The following BANP variants were observed in gnomAD, a reference collection of about 807,000 sequenced individuals.
The protein encoded by BANP is protein BANP.
A neutral mutation model predicts 68.1 loss-of-function variants in BANP; 11 were observed. The ratio of observed to expected loss-of-function variants is 0.16; its 90% CI spans 0.10 to 0.27. The LOEUF (loss-of-function observed/expected upper bound fraction) is 0.27, where lower values mean the gene tolerates loss of function less well. BANP is among the 10% of genes least tolerant of loss of function. The pLI is 1.00. For missense variants in BANP, 504 were observed against 722.7 expected, an observed-to-expected ratio of 0.70 and a Z score of 3.47; for synonymous variants, 329 against 303.2, an observed-to-expected ratio of 1.09 and a Z score of -0.88.
intron 1 of BANP, among the ~76,000 whole-genome samples, chr16:87,971,585 TC>T (rs551710779): frequency 1.5e-4 from 23 of 151,982 alleles, no homozygotes; most frequent in Non-Finnish European, 2.8e-4. Flanking sequence ...AAAAAATTTT[TC>T]TTTAAATAGT....
Position 87,957,934 on chromosome 16 carries a change from G to C in BANP, c.-69+6419G>C, listed in dbSNP as rs903874661. On this transcript the variant is annotated intron_variant, in intron 1 of 13. Coordinates refer to ENST00000682872, the MANE Select transcript of BANP (RefSeq NM_001386991.1). This position sits in a 1 kb window ranked among gnomAD's most constrained non-coding sequence, Gnocchi z 4.3. ...AGCTCTTGTGTCGGTGGGAGCTGGC[G>C]GTGGGTCCCTGAGCAGAGTGCTGCC... Among the ~76,000 whole-genome samples, 3 of 151,932 alleles carry C rather than the reference G, an allele frequency of 2.0e-5. No homozygotes were observed. The highest frequency in any genetic ancestry group is 4.4e-5 in the Non-Finnish European group (3 of 67,976).
At position 88,057,932 on chromosome 16, in the gene BANP, C is replaced by T. The variant is rs889089083; in HGVS notation, c.1312-7335C>T. The stretch of plus-strand genomic sequence containing the variant: ...GCCTGTGTTCCGACAAGCCAGGCGC[C>T]GAGGCTCGGTGTGGGCCCGTGGGCC... On this transcript the variant is annotated intron_variant, in intron 11 of 13. Coordinates refer to ENST00000682872, the MANE Select transcript of BANP (RefSeq NM_001386991.1). The surrounding 1 kb of genome is among the most constrained non-coding windows in gnomAD (Gnocchi z 4.6). 7.2e-5 allele frequency among the ~76,000 whole-genome samples: 11 copies of T among 152,120 alleles called. No homozygotes were observed. Among genetic ancestry groups the T allele is most frequent in the Admixed American group, 2.6e-4 (4 of 15,276 alleles).
Position 88,030,615 on chromosome 16 carries a change from A to G in BANP, c.1064-2494A>G, listed in dbSNP as rs117004787. Among the ~76,000 whole-genome samples, 11 of 152,368 alleles carry G rather than the reference A, an allele frequency of 7.2e-5. No homozygotes were observed. In the East Asian group the frequency reaches 2.1e-3, roughly 29 times the overall value. On this transcript the variant is annotated intron_variant, in intron 8 of 13. Transcript: ENST00000682872. ...GGATACCAGAATCTTGAAAGAGTAC[A>G]TTTAATGAGCTGAAATGTCACAGCT...
At chr16:87,967,228 G>C (rs1258745445) in intron 1 of BANP, among the ~76,000 whole-genome samples, 1 of 144,368 alleles carries the variant, frequency 6.9e-6, no homozygotes, top group Non-Finnish European at 1.5e-5. Context: ...AGTTTTGTCT[G>C]TCTGTACTTT....
At chr16:87,950,035 G>C (rs75529817), upstream of BANP, among the ~76,000 whole-genome samples, 2 of 152,092 alleles carry the variant, frequency 1.3e-5, no homozygotes, top group African/African-American at 4.8e-5. Context: ...CTGCCACCGC[G>C]CCGGGCTAAT....
In BANP at chr16:88,068,007, CGTGACACGCCACGTGT is replaced by C. The variant is rs547244809; in HGVS notation, c.1377+2680_1377+2695del. On this transcript the variant is annotated intron_variant, in intron 12 of 13. Coordinates refer to ENST00000682872, the MANE Select transcript of BANP (RefSeq NM_001386991.1). ...TGTCTGCCTCCTTGTGTCGTCAGTC[CGTGACACGCCACGTGT>C]GTGATGAGGAGGTGCTTGGAGTGGC... 5.2e-3 allele frequency among the ~76,000 whole-genome samples: 786 copies of C among 152,330 alleles called. 9 individuals are homozygous for C. The highest frequency in any genetic ancestry group is 0.018 in the African/African-American group (756 of 41,576).
chr16:88,057,522 C>G lies in BANP; in HGVS notation c.1312-7745C>G, dbSNP rs1314386289. Among the ~76,000 whole-genome samples, 4 of 152,024 alleles carry G rather than the reference C, an allele frequency of 2.6e-5. No homozygotes were observed. The highest frequency in any genetic ancestry group is 2.6e-4 in the Admixed American group (4 of 15,264). ...GTCAAGAAACGAGGAGTGAAAAACACCCCTCAGGTCGCTTCATGCTGATTC... is the reference window on the plus strand; with the variant it reads ...GTCAAGAAACGAGGAGTGAAAAACAGCCCTCAGGTCGCTTCATGCTGATTC... On this transcript the variant is annotated intron_variant, in intron 11 of 13. Coordinates refer to ENST00000682872, the MANE Select transcript of BANP (RefSeq NM_001386991.1). This position sits in a 1 kb window ranked among gnomAD's most constrained non-coding sequence, Gnocchi z 4.6.
intron 8 of BANP, among the ~76,000 whole-genome samples, chr16:88,031,214 T>C (rs1384591951): frequency 2.0e-5 from 3 of 151,564 alleles, no homozygotes; most frequent in African/African-American, 7.3e-5. Context: ...TCAGGTGGAG[T>C]CAGGGTCTTT....
rs146437625 is a variant in BANP, at chr16:87,978,186, A to G, written c.71-2850A>G. On this transcript the variant is annotated intron_variant, in intron 2 of 13. Transcript: ENST00000682872. ...AAGGAGTTCTTTTGTCGAATTCTAA[A>G]AGTAATGCATACAGAATTATAGAAA... Among the ~76,000 whole-genome samples, 10 of 152,352 alleles carry G rather than the reference A, an allele frequency of 6.6e-5. No individual in the cohort carries two copies. In the East Asian group the frequency reaches 1.9e-3, roughly 29 times the overall value.
At position 88,033,096 on chromosome 16, in the gene BANP, G is replaced by A. The variant is rs538774881; in HGVS notation, c.1064-13G>A. The A allele has an allele frequency of 3.0e-5, 47 of 1,592,180 alleles. No homozygotes were observed. The African/African-American group carries it at 5.0e-4, about 17-fold the overall frequency. ...CTTCTCGTTCACCCCGTTCACACCT[G>A]TTGCCCCCACAGAGCCGATGATGAG... On this transcript the variant is annotated splice_polypyrimidine_tract_variant and intron_variant, in intron 8 of 13. Transcript: ENST00000682872.
At chr16:88,066,491 G>A (rs1198687631) in intron 12 of BANP, among the ~76,000 whole-genome samples, 1 of 152,170 alleles carries the variant, frequency 6.6e-6, no homozygotes, top group East Asian at 1.9e-4. Context: ...ACCCAGCTTC[G>A]ACTCGGTGTC....
At chr16:87,979,942 A>G (rs562464425) in intron 2 of BANP, among the ~76,000 whole-genome samples, 1 of 152,260 alleles carries the variant, frequency 6.6e-6, no homozygotes, top group Admixed American at 6.5e-5. Flanking sequence ...AAAAAACAAA[A>G]ACAAAAACCA....
chr16:87,996,936 C>T (rs1383497305), intron 4 of BANP, among the ~76,000 whole-genome samples: 1 of 152,144 alleles, frequency 6.6e-6, no homozygotes, highest in Non-Finnish European at 1.5e-5. Context: ...TGGACAAAGC[C>T]TGTTGATGTC....
At position 88,036,160 on chromosome 16, in the gene BANP, C is replaced by T. The variant is rs763311385; in HGVS notation, c.1272+766C>T. Among the ~76,000 whole-genome samples the T allele has an allele frequency of 1.3e-5, 2 of 152,224 alleles. No homozygotes were observed. The highest frequency in any genetic ancestry group is 2.9e-5 in the Non-Finnish European group (2 of 68,028). On this transcript the variant is annotated intron_variant, in intron 10 of 13. Coordinates refer to ENST00000682872, the MANE Select transcript of BANP (RefSeq NM_001386991.1). This position sits in a 1 kb window ranked among gnomAD's most constrained non-coding sequence, Gnocchi z 4.2. ...GGCACAGGGCACTAAGCAGCACACACGTGTTGTACTCAGTGACCGTGGTGC... is the reference window on the plus strand; with the variant it reads ...GGCACAGGGCACTAAGCAGCACACATGTGTTGTACTCAGTGACCGTGGTGC...
At chr16:87,983,373 G>A (rs767331104) in intron 3 of BANP, among the ~76,000 whole-genome samples, 5 of 152,220 alleles carry the variant, frequency 3.3e-5, no homozygotes, top group Non-Finnish European at 7.3e-5. Context: ...GTGGCTCCTG[G>A]CTGGGACGGC....
intron 11 of BANP, among the ~76,000 whole-genome samples, chr16:88,055,853 ACTCTC>A (rs1252276154): frequency 1.7e-4 from 26 of 152,096 alleles, no homozygotes; most frequent in Non-Finnish European, 3.2e-4. Flanking sequence ...AATCTTGGAG[ACTCTC>A]AGTGGTTTAG....
rs1440351817 is a variant in BANP at position 87,983,928 on chromosome 16, A to C, written c.163-132A>C. The C allele has an allele frequency of 2.2e-6, 3 of 1,379,572 alleles. No homozygotes were observed. The African/African-American group carries it at 4.4e-5, about 20-fold the overall frequency. 85.5% of individuals were successfully genotyped at this position (1,379,572 alleles called of 1,614,324 possible). ...GTTTCTGGCTCATAGCTCACGGGCTATTTCCAGTGTGGGGATTGTTCTGTC... is the reference window on the plus strand; with the variant it reads ...GTTTCTGGCTCATAGCTCACGGGCTCTTTCCAGTGTGGGGATTGTTCTGTC... On this transcript the variant is annotated intron_variant, in intron 3 of 13. Transcript: ENST00000682872.
At chr16:88,051,272 A>G (rs1003991636) in intron 11 of BANP, among the ~76,000 whole-genome samples, 2 of 152,228 alleles carry the variant, frequency 1.3e-5, no homozygotes, top group African/African-American at 2.4e-5. Flanking sequence ...CAAAATGTCC[A>G]TGCCAGAATC....
At chr16:87,952,933 C>A (rs1348979601) in intron 1 of BANP, among the ~76,000 whole-genome samples, 1 of 152,152 alleles carries the variant, frequency 6.6e-6, no homozygotes, top group Non-Finnish European at 1.5e-5. Context: ...ACCACCCCGG[C>A]TAATTTTTGT....
Sources: allele counts gnomAD v4.1 joint callset (sites outside exome capture counted in the v4.1 genomes callset), GRCh38; gene constraint gnomAD v4.1.1; non-coding constraint Gnocchi (gnomAD v3.1); transcripts MANE v1.5; gene names NCBI Gene and HGNC (gene_info 2026-07-23, HGNC 2026-07-21).